Variants in MEI4 observed in about 807,000 individuals in gnomAD.
MEI4 encodes the protein meiosis-specific protein MEI4.
MEI4 carries 27 observed loss-of-function variants against 31.4 expected under a neutral mutation model. That is an observed-to-expected ratio of 0.86 (90% CI 0.63 to 1.19). MEI4 has a LOEUF of 1.19. Ranked by LOEUF, MEI4 falls within the 50% of genes most tolerant of loss-of-function variation. MEI4 has a pLI of 0.00. For missense variants in MEI4, 329 were observed against 398.9 expected, an observed-to-expected ratio of 0.82 and a Z score of 1.49; for synonymous variants, 122 against 145.4, an observed-to-expected ratio of 0.84 and a Z score of 1.16.
chr6:77,758,129 T>G, intron 2 of MEI4, among the ~76,000 whole-genome samples: 1 of 143,990 alleles, frequency 6.9e-6, no homozygotes, highest in African/African-American at 2.6e-5. Flanking sequence ...CACTCCAGCT[T>G]GGTGACAGAG....
At chr6:77,703,493 AT>A (rs902365069) in intron 2 of MEI4, among the ~76,000 whole-genome samples, 3 of 151,582 alleles carry the variant, frequency 2.0e-5, no homozygotes, top group Admixed American at 6.6e-5. Flanking sequence ...GCTTAGTGTG[AT>A]TTTTTTTTGG....
intron 3 of MEI4, among the ~76,000 whole-genome samples, chr6:77,770,240 C>T (rs928752568): frequency 6.6e-6 from 1 of 151,834 alleles, no homozygotes; most frequent in Non-Finnish European, 1.5e-5. Flanking sequence ...ATATAAATTC[C>T]TAACATATAC....
chr6:77,770,065 C>A (rs763500456), intron 3 of MEI4, among the ~76,000 whole-genome samples: 6 of 151,410 alleles, frequency 4.0e-5, no homozygotes, highest in South Asian at 4.2e-4. Flanking sequence ...TAAACAAAAT[C>A]AAAAAACCTT....
intron 4 of MEI4, among the ~76,000 whole-genome samples, chr6:77,892,007 G>T (rs534340197): frequency 6.6e-6 from 1 of 152,224 alleles, no homozygotes; most frequent in Non-Finnish European, 1.5e-5. Context: ...GCACAGGTTT[G>T]CCAGTTCTCT....
At chr6:77,720,451 G>GT (rs1766686056) in intron 2 of MEI4, among the ~76,000 whole-genome samples, 1 of 88,766 alleles carries the variant, frequency 1.1e-5, no homozygotes, top group African/African-American at 4.7e-5. Context: ...GACAATAAAT[G>GT]TTTTTTAACA....
chr6:77,670,335 A>G (rs1215887134), intron 1 of MEI4, among the ~76,000 whole-genome samples: 1 of 151,872 alleles, frequency 6.6e-6, no homozygotes, highest in African/African-American at 2.4e-5. Flanking sequence ...AGTATAGTTG[A>G]TTGGTTATTT....
intron 3 of MEI4, among the ~76,000 whole-genome samples, chr6:77,815,973 C>T (rs1457957269): frequency 6.6e-6 from 1 of 151,308 alleles, no homozygotes; most frequent in East Asian, 1.9e-4. Flanking sequence ...ATAGGCAGAG[C>T]CAATTTTTTC....
intron 2 of MEI4, among the ~76,000 whole-genome samples, chr6:77,726,405 A>C (rs1377836016): frequency 6.6e-6 from 1 of 152,192 alleles, no homozygotes; most frequent in Non-Finnish European, 1.5e-5. Context: ...TGAGACTGGC[A>C]GTGAGTGTCA....
At chr6:77,726,499 G>A (rs1045376581) in intron 2 of MEI4, among the ~76,000 whole-genome samples, 1 of 152,202 alleles carries the variant, frequency 6.6e-6, no homozygotes, top group Non-Finnish European at 1.5e-5. Context: ...GAAGCGTAGA[G>A]CATCAATAAG....
At chr6:77,831,072 C>A (rs1237568) in intron 4 of MEI4, among the ~76,000 whole-genome samples, 1 of 149,660 alleles carries the variant, frequency 6.7e-6, no homozygotes, top group Non-Finnish European at 1.5e-5. Context: ...AACAAACAAT[C>A]TGAATTAAAA....
intron 2 of MEI4, among the ~76,000 whole-genome samples, chr6:77,738,257 T>C (rs74990663): frequency 0.016 from 2,363 of 152,298 alleles, 87 homozygotes; most frequent in African/African-American, 0.054. Context: ...GTGTTGTTTT[T>C]TGAAGCTCAG....
intron 2 of MEI4, among the ~76,000 whole-genome samples, chr6:77,746,707 A>G (rs902164445): frequency 2.0e-5 from 3 of 151,694 alleles, no homozygotes; most frequent in African/African-American, 7.3e-5. Flanking sequence ...GTTTCTCTGA[A>G]AAACCCTAAT....
At chr6:77,918,135 T>A (rs1246584608) in intron 4 of MEI4, among the ~76,000 whole-genome samples, 1 of 150,442 alleles carries the variant, frequency 6.6e-6, no homozygotes, top group Non-Finnish European at 1.5e-5. Flanking sequence ...ATATCTCTGT[T>A]TTGGTACCAG....
chr6:77,808,122 C>G (rs1769485302), intron 3 of MEI4, among the ~76,000 whole-genome samples: 1 of 152,156 alleles, frequency 6.6e-6, no homozygotes, highest in Non-Finnish European at 1.5e-5. Context: ...TTGTTAATAG[C>G]ACTCCATTTC....
At chr6:77,692,593 C>G (rs1769177989) in intron 2 of MEI4, among the ~76,000 whole-genome samples, 1 of 151,980 alleles carries the variant, frequency 6.6e-6, no homozygotes, top group Admixed American at 6.6e-5. Flanking sequence ...AAAGGACAGA[C>G]ATGTAGGAAT....
At chr6:77,907,911 G>A (rs185011162) in intron 4 of MEI4, among the ~76,000 whole-genome samples, 2,179 of 151,630 alleles carry the variant, frequency 0.014, 56 homozygotes, top group African/African-American at 0.048. Context: ...GATGACGAGC[G>A]TGTTTTCATT....
chr6:77,789,222 A>T (rs1768842320), intron 3 of MEI4, among the ~76,000 whole-genome samples: 1 of 152,204 alleles, frequency 6.6e-6, no homozygotes, highest in Non-Finnish European at 1.5e-5. Flanking sequence ...CTGAAACTGG[A>T]TCCCTTCCTT....
intron 1 of MEI4, among the ~76,000 whole-genome samples, chr6:77,658,597 G>A (rs1055083327): frequency 5.9e-5 from 9 of 152,084 alleles, no homozygotes; most frequent in African/African-American, 1.2e-4. Context: ...TAGGGGCGGC[G>A]TGGGAACCTA....
At chr6:77,760,720 A>T (rs1768023411) in intron 2 of MEI4, among the ~76,000 whole-genome samples, 5 of 152,152 alleles carry the variant, frequency 3.3e-5, no homozygotes, top group Admixed American at 3.3e-4. Flanking sequence ...TAGGCTGTTC[A>T]ATGGCCCTCC....
Sources: gnomAD v4.1 joint callset for allele counts (sites outside exome capture counted in the v4.1 genomes callset) on GRCh38, gnomAD v4.1.1 for gene constraint, MANE v1.5 for transcripts, NCBI Gene and HGNC (gene_info 2026-07-23, HGNC 2026-07-21) for gene names.